Variants in SLC43A2 observed in about 807,000 individuals in gnomAD.
The protein encoded by SLC43A2 is solute carrier family 43 member 2, also known as large neutral amino acids transporter small subunit 4.
SLC43A2 carries 38 observed loss-of-function variants against 63.2 expected under a neutral mutation model. The ratio of observed to expected loss-of-function variants is 0.60; its 90% confidence interval spans 0.46 to 0.79. The LOEUF is 0.79. Ranked by LOEUF, SLC43A2 falls within the 30% of genes least tolerant of loss-of-function variation. The pLI is 0.00. For missense variants in SLC43A2, 644 were observed against 756.2 expected, an observed-to-expected ratio of 0.85 and a Z score of 1.74; for synonymous variants, 322 against 331.0, an observed-to-expected ratio of 0.97 and a Z score of 0.30.
rs758523658 is a variant in SLC43A2 at position 1,593,148 on chromosome 17, G to T, written c.594+39C>A. On this transcript the variant is annotated intron_variant, in intron 6 of 13. Coordinates refer to ENST00000301335, the MANE Select transcript of SLC43A2 (RefSeq NM_152346.3). The surrounding 1 kb of genome is among the most constrained non-coding windows in gnomAD (Gnocchi z 5.3). ...AGAGGGTGGAAGGAGCCTGGAGCAG[G>T]CCTCTGCACAGACACCAGTGCAAAA... The T allele has an allele frequency of 3.8e-6, 6 of 1,582,758 alleles. No individual in the cohort carries two copies. Among genetic ancestry groups the T allele is most frequent in the Non-Finnish European group, 5.2e-6 (6 of 1,156,148 alleles).
chr17:1,618,403 A>T (rs1907868857), intron 2 of SLC43A2, among the ~76,000 whole-genome samples: 1 of 152,256 alleles, frequency 6.6e-6, no homozygotes, highest in Non-Finnish European at 1.5e-5. Context: ...CCAGGCATAG[A>T]AAGCACTCAA....
At chr17:1,616,981 G>A (rs1180050715) in intron 2 of SLC43A2, among the ~76,000 whole-genome samples, 2 of 152,216 alleles carry the variant, frequency 1.3e-5, no homozygotes, top group African/African-American at 4.8e-5. Flanking sequence ...AACTTTTGTG[G>A]GGGCCATGGA....
intron 1 of SLC43A2, among the ~76,000 whole-genome samples, chr17:1,628,583 G>A (rs891484998): frequency 6.6e-6 from 1 of 152,182 alleles, no homozygotes; most frequent in African/African-American, 2.4e-5. Flanking sequence ...CCCCATCTCG[G>A]GCGTTCCCCC....
chr17:1,616,474 C>A, intron 3 of SLC43A2, 88 bp downstream of exon 3: 1 of 1,299,630 alleles, frequency 7.7e-7, no homozygotes, highest in Non-Finnish European at 1.1e-6. Flanking sequence ...CACCTGATAT[C>A]AGGTACGACC....
intron 2 of SLC43A2, among the ~76,000 whole-genome samples, chr17:1,625,681 A>C (rs1233955266): frequency 6.6e-6 from 1 of 152,228 alleles, no homozygotes; most frequent in East Asian, 1.9e-4. Flanking sequence ...GCTGTGTGGA[A>C]TCAGCAGCCT....
rs372825448 is a variant in SLC43A2, at chr17:1,576,687, T to G, written c.1458A>C (p.Gly486=). Reference sequence around the variant, plus strand: ...AGAGCGCGCTGATCAGAGACTGCAGTCCCGTGAGGCTGCCGAACTGGGTGG... The same window carrying G: ...AGAGCGCGCTGATCAGAGACTGCAGGCCCGTGAGGCTGCCGAACTGGGTGG... ...YPSTQFGSLT[G]LQSLISALFA... is the part of the protein sequence containing the mutation. Residue 486 remains glycine (G), a synonymous_variant, in exon 13 of 14, where the codon GGA becomes GGC. Coordinates refer to ENST00000301335, the MANE Select transcript of SLC43A2 (RefSeq NM_152346.3). The G allele has an allele frequency of 9.3e-6, 15 of 1,610,684 alleles. No homozygotes were observed. The highest frequency in any genetic ancestry group is 1.3e-5 in the Non-Finnish European group (15 of 1,179,860).
chr17:1,629,506 G>A (rs565607316), upstream of SLC43A2, among the ~76,000 whole-genome samples: 1 of 152,326 alleles, frequency 6.6e-6, no homozygotes, highest in African/African-American at 2.4e-5. Context: ...GCGTCTGCCC[G>A]GTCCCTGGAA....
chr17:1,594,628 C>A (rs71360492), intron 5 of SLC43A2, among the ~76,000 whole-genome samples: 1 of 133,570 alleles, frequency 7.5e-6, no homozygotes, highest in Non-Finnish European at 1.6e-5. Context: ...CGCTCTTTCG[C>A]CCAGGCTGTA....
chr17:1,601,614 G>A (rs1248541119), intron 5 of SLC43A2, among the ~76,000 whole-genome samples: 2 of 125,656 alleles, frequency 1.6e-5, no homozygotes, highest in East Asian at 2.4e-4. Flanking sequence ...AGCCAGAGTC[G>A]TGCACTGAGA....
At chr17:1,590,693 T>C (rs1327885904) in intron 9 of SLC43A2, 109 bp downstream of exon 9, 3 of 1,421,344 alleles carry the variant, frequency 2.1e-6, no homozygotes, top group Middle Eastern at 5.0e-4. Flanking sequence ...GGATGCGGCC[T>C]TTCCATGGCC....
rs1038759765 is a variant in SLC43A2 at position 1,627,763 on chromosome 17, T to C, written c.112A>G (p.Ile38Val). The C allele has an allele frequency of 6.3e-7, 1 of 1,595,874 alleles. No individual in the cohort carries two copies. The highest frequency in any genetic ancestry group is 8.5e-7 in the Non-Finnish European group (1 of 1,172,110). The change falls in exon 2 of 14, where the codon ATC (isoleucine) becomes GTC (valine). Residue 38 changes from isoleucine to valine, a missense_variant. By Grantham distance (29) the Ile-to-Val change is conservative. Transcript: ENST00000301335. Reference protein sequence around the residue: ...AVLLGWGSLLIMLKSEGFYSY... With the variant: ...AVLLGWGSLLVMLKSEGFYSY... ...TAAAAGCCCTCTGACTTGAGCATGA[T>C]GAGCAGCGAGCCCCAGCCCAGGAGG...
intron 9 of SLC43A2, among the ~76,000 whole-genome samples, chr17:1,590,518 G>A (rs1278852905): frequency 6.6e-6 from 1 of 152,122 alleles, no homozygotes; most frequent in East Asian, 1.9e-4. Flanking sequence ...GACACACACG[G>A]CAACCCTCCC....
chr17:1,597,816 A>G (rs1414204413), intron 5 of SLC43A2, among the ~76,000 whole-genome samples: 1 of 151,854 alleles, frequency 6.6e-6, no homozygotes, highest in East Asian at 1.9e-4. Context: ...AAAAAAAAAG[A>G]AAAAAGAAAA....
intron 5 of SLC43A2, among the ~76,000 whole-genome samples, chr17:1,611,139 C>A (rs183355438): frequency 6.6e-6 from 1 of 152,134 alleles, no homozygotes; most frequent in Admixed American, 6.6e-5. Context: ...CCACCGCACC[C>A]GGCCTAAAGT....
At chr17:1,616,394 G>A in intron 3 of SLC43A2, 168 bp downstream of exon 3, 1 of 672,566 alleles carries the variant, frequency 1.5e-6, no homozygotes, top group Non-Finnish European at 2.5e-6. Context: ...GAGGACCACA[G>A]TACCTGCTGA....
rs1172671221 is a variant in SLC43A2, at chr17:1,605,760, C to G, written c.501+7435G>C. Reference sequence around the variant, plus strand: ...AACCAGACTGCACAGGTAGACTCTGCCAGGCTGGGCTGTTTCCTACCCACA... The same window carrying G: ...AACCAGACTGCACAGGTAGACTCTGGCAGGCTGGGCTGTTTCCTACCCACA... On this transcript the variant is annotated intron_variant, in intron 5 of 13. Coordinates refer to ENST00000301335, the MANE Select transcript of SLC43A2 (RefSeq NM_152346.3). The surrounding 1 kb of genome is among the most constrained non-coding windows in gnomAD (Gnocchi z 4.9). 6.6e-6 allele frequency among the ~76,000 whole-genome samples: 1 copy of G among 152,206 alleles called. No individual in the cohort carries two copies. Among genetic ancestry groups the G allele is most frequent in the Non-Finnish European group, 1.5e-5 (1 of 68,038 alleles).
At chr17:1,585,844 C>T (rs777622177) in intron 10 of SLC43A2, 69 bp downstream of exon 10, 1 of 1,609,948 alleles carries the variant, frequency 6.2e-7, no homozygotes, top group Non-Finnish European at 8.5e-7. Flanking sequence ...CTGTGCCTGA[C>T]ATGCAGCTCT....
At position 1,593,913 on chromosome 17, in the gene SLC43A2, C is replaced by T. The variant is rs183757677; in HGVS notation, c.502-634G>A. Among the ~76,000 whole-genome samples, 1,233 of 152,184 alleles carry T rather than the reference C, an allele frequency of 8.1e-3. 54 individuals are homozygous for T. Among genetic ancestry groups the T allele is most frequent in the Admixed American group, 0.072 (1,103 of 15,260 alleles). ...GGAGCGCAGTGGTGTGAGCTCGGCT[C>T]GTTGCAACCTCCGCCTCCCTGGTTC... is the stretch of plus-strand genomic sequence containing the variant. On this transcript the variant is annotated intron_variant, in intron 5 of 13. Coordinates refer to ENST00000301335, the MANE Select transcript of SLC43A2 (RefSeq NM_152346.3). The surrounding 1 kb of genome is among the most constrained non-coding windows in gnomAD (Gnocchi z 5.3).
At chr17:1,628,679 C>T (rs13342837) in intron 1 of SLC43A2, 115 bp downstream of exon 1, 36,467 of 121,610 alleles carry the variant, frequency 0.3, 4,808 homozygotes, top group Non-Finnish European at 0.36. Context: ...CCTGGCGGCC[C>T]CTCATCGCTC....
Sources: gnomAD v4.1 joint callset for allele counts (sites outside exome capture counted in the v4.1 genomes callset) on GRCh38, gnomAD v4.1.1 for gene constraint, Gnocchi (gnomAD v3.1) non-coding constraint, MANE v1.5 for transcripts, NCBI Gene and HGNC (gene_info 2026-07-23, HGNC 2026-07-21) for gene names.